Variants in PDZD2 observed in about 807,000 individuals in gnomAD.
The protein encoded by PDZD2 is PDZ domain containing 2, also known as PDZ domain-containing protein 2.
PDZD2 carries 90 observed loss-of-function variants against 220.7 expected under a neutral mutation model. The observed-to-expected ratio is 0.41, with a 90% CI of 0.34 to 0.49. The LOEUF (loss-of-function observed/expected upper bound fraction) is 0.49. PDZD2 is among the 20% of genes least tolerant of loss of function. The pLI, the probability that PDZD2 is intolerant of heterozygous loss-of-function variation, is 0.28. For missense variants in PDZD2, 3,174 were observed against 3,608.5 expected (o/e 0.88, Z 3.08); for synonymous variants, 1,375 against 1,450.5 (o/e 0.95, Z 1.18).
At chr5:31,847,353 CCGA>C (rs1757640684) in intron 2 of PDZD2, 1 of 410,334 alleles carries the variant, frequency 2.4e-6, no homozygotes, top group Non-Finnish European at 4.6e-6. Flanking sequence ...GAGGGTAAAA[CCGA>C]TTACTATGCT....
chr5:31,667,572 C>A (rs949746851), intron 1 of PDZD2, among the ~76,000 whole-genome samples: 1 of 152,044 alleles, frequency 6.6e-6, no homozygotes, highest in Non-Finnish European at 1.5e-5. Flanking sequence ...ATCAGGCAGG[C>A]ACAGATTCCA....
chr5:31,865,575 G>C (rs1738137390), intron 2 of PDZD2, among the ~76,000 whole-genome samples: 1 of 144,788 alleles, frequency 6.9e-6, no homozygotes, highest in Non-Finnish European at 1.5e-5. Flanking sequence ...GGTTCCCAAA[G>C]TGCTGGGATT....
chr5:31,789,209 A>T (rs1372169600), intron 1 of PDZD2, among the ~76,000 whole-genome samples: 1 of 152,184 alleles, frequency 6.6e-6, no homozygotes, highest in Non-Finnish European at 1.5e-5. Context: ...GAAAAAGGAA[A>T]AAGAGACCCT....
At chr5:32,067,025 T>C (rs990497920) in intron 14 of PDZD2, among the ~76,000 whole-genome samples, 1 of 152,252 alleles carries the variant, frequency 6.6e-6, no homozygotes. Context: ...ATTTTTCTTT[T>C]GGTTAAGATT....
chr5:31,861,279 C>A (rs1212187894), intron 2 of PDZD2, among the ~76,000 whole-genome samples: 2 of 152,176 alleles, frequency 1.3e-5, no homozygotes, highest in Non-Finnish European at 2.9e-5. Flanking sequence ...GATTAATTTT[C>A]TCCCTGTTTA....
chr5:31,926,456 G>T (rs923360546), intron 2 of PDZD2, among the ~76,000 whole-genome samples: 2 of 150,012 alleles, frequency 1.3e-5, no homozygotes, highest in Non-Finnish European at 3.0e-5. Flanking sequence ...GACCCGGGAG[G>T]CAGGGGTTGC....
intron 3 of PDZD2, among the ~76,000 whole-genome samples, chr5:31,986,029 C>A (rs1189192279): frequency 2.0e-5 from 3 of 147,172 alleles, no homozygotes; most frequent in African/African-American, 7.6e-5. Flanking sequence ...GAGCCAAGAT[C>A]GCGCCATTGC....
intron 2 of PDZD2, among the ~76,000 whole-genome samples, chr5:31,865,980 T>G (rs1396989682): frequency 1.3e-5 from 2 of 149,280 alleles, no homozygotes; most frequent in Non-Finnish European, 3.0e-5. Flanking sequence ...AACTCTTGTT[T>G]TTGTTTTTGT....
intron 1 of PDZD2, among the ~76,000 whole-genome samples, chr5:31,656,283 T>C (rs4867360): frequency 0.69 from 105,539 of 152,110 alleles, 38,140 homozygotes; most frequent in Non-Finnish European, 0.8. Flanking sequence ...AAAGTCTCAT[T>C]CCCTTTGAAA....
chr5:32,045,546 G>A (rs139410047), intron 7 of PDZD2, among the ~76,000 whole-genome samples: 99 of 149,524 alleles, frequency 6.6e-4, no homozygotes, highest in Middle Eastern at 7.0e-3. Context: ...TCAGCCTCCC[G>A]TGTAGCTGGG....
chr5:32,088,097 C>T lies in PDZD2; in HGVS notation c.4649C>T (p.Ser1550Phe), dbSNP rs1359733411. The T allele has an allele frequency of 2.5e-6, 4 of 1,614,070 alleles. No homozygotes were observed. The highest frequency in any genetic ancestry group is 3.4e-6 in the Non-Finnish European group (4 of 1,180,020). ...GACAGCACGGAGCCGTCTCTGTCAT[C>T]CATGTATGGCGATGCTGAGGATTCT... is the stretch of plus-strand genomic sequence containing the variant. Reference protein sequence around the residue: ...LGDSTEPSLSSMYGDAEDSSS... With the variant: ...LGDSTEPSLSFMYGDAEDSSS... Residue 1550 changes from serine to phenylalanine, a missense_variant, in exon 20 of 25, where the codon TCC becomes TTC. This residue lies in a region of PDZD2 where 1,861 missense variants were observed against 2,001.0 expected (regional missense o/e 0.93). Coordinates refer to ENST00000438447, the MANE Select transcript of PDZD2 (RefSeq NM_178140.4). This position sits in a 1 kb window ranked among gnomAD's most constrained non-coding sequence, Gnocchi z 4.6.
rs535560572 is a variant in PDZD2, at chr5:31,652,979, G to A, written c.-361+13542G>A. On this transcript the variant is annotated intron_variant, in intron 1 of 24. Coordinates refer to ENST00000438447, the MANE Select transcript of PDZD2 (RefSeq NM_178140.4). Reference sequence around the variant, plus strand: ...GTGAGCCGAGATCGTGCCATTGAATGCCACCCTGGGTGACAGAGTGAGACT... The same window carrying A: ...GTGAGCCGAGATCGTGCCATTGAATACCACCCTGGGTGACAGAGTGAGACT... Among the ~76,000 whole-genome samples the A allele has an allele frequency of 1.1e-4, 16 of 152,124 alleles. No individual in the cohort carries two copies. The South Asian group carries it at 3.3e-3, about 32-fold the overall frequency.
At chr5:31,833,627 C>T (rs1220704867) in intron 2 of PDZD2, among the ~76,000 whole-genome samples, 1 of 107,946 alleles carries the variant, frequency 9.3e-6, no homozygotes, top group East Asian at 2.3e-4. Context: ...CAAAATGAGA[C>T]CCTGTCTCAA....
intron 1 of PDZD2, among the ~76,000 whole-genome samples, chr5:31,792,430 GT>G (rs1005815487): frequency 2.0e-5 from 3 of 151,956 alleles, no homozygotes; most frequent in Non-Finnish European, 4.4e-5. Flanking sequence ...GTTTTGTTTT[GT>G]TTTTTTAGAC....
chr5:32,029,993 T>G (rs1754996756), intron 6 of PDZD2, among the ~76,000 whole-genome samples: 1 of 152,086 alleles, frequency 6.6e-6, no homozygotes, highest in African/African-American at 2.4e-5. Context: ...CCAACTGGAG[T>G]TGGAGGGAAA....
At chr5:31,785,730 T>C (rs1753343939) in intron 1 of PDZD2, among the ~76,000 whole-genome samples, 1 of 152,038 alleles carries the variant, frequency 6.6e-6, no homozygotes, top group Admixed American at 6.6e-5. Context: ...CATGAGCTAC[T>C]GCACCCTGCC....
chr5:32,019,374 G>A (rs560115521), intron 6 of PDZD2, among the ~76,000 whole-genome samples: 1 of 152,092 alleles, frequency 6.6e-6, no homozygotes, highest in Non-Finnish European at 1.5e-5. Flanking sequence ...AAACTCCTGG[G>A]CTCAAGCAAT....
intron 3 of PDZD2, among the ~76,000 whole-genome samples, chr5:31,985,327 G>A (rs867793877): frequency 6.6e-6 from 1 of 152,186 alleles, no homozygotes; most frequent in African/African-American, 2.4e-5. Context: ...CCAGGAGAAG[G>A]TTGAATCTCA....
At chr5:32,044,116 G>A (rs1446930523) in intron 7 of PDZD2, among the ~76,000 whole-genome samples, 3 of 151,728 alleles carry the variant, frequency 2.0e-5, no homozygotes, top group Non-Finnish European at 2.9e-5. Context: ...ATCACCTGAG[G>A]TCAGGAGTTC....
Sources: gnomAD v4.1 joint callset for allele counts (sites outside exome capture counted in the v4.1 genomes callset) on GRCh38, gnomAD v4.1.1 for gene constraint, gnomAD v4.1.1 regional missense constraint, Gnocchi (gnomAD v3.1) non-coding constraint, MANE v1.5 for transcripts, NCBI Gene and HGNC (gene_info 2026-07-23, HGNC 2026-07-21) for gene names.